The following PTPRG variants were observed in gnomAD, a reference collection of about 807,000 sequenced individuals.
PTPRG encodes receptor-type tyrosine-protein phosphatase gamma.
In PTPRG, 102 loss-of-function variants were observed where a neutral mutation model predicts 165.3. The observed-to-expected ratio is 0.62, with a 90% CI of 0.53 to 0.73. The LOEUF (loss-of-function observed/expected upper bound fraction) is 0.73. PTPRG is among the 30% of genes least tolerant of loss of function. The pLI is 0.00. For missense variants in PTPRG, 1,866 were observed against 1,861.4 expected, an observed-to-expected ratio of 1.00 and a Z score of -0.05; for synonymous variants, 675 against 669.5, an observed-to-expected ratio of 1.01 and a Z score of -0.13.
At chr3:61,749,910 T>C (rs1364821305) in intron 2 of PTPRG, 2 of 152,020 alleles carry the variant, frequency 1.3e-5, no homozygotes, top group Admixed American at 1.3e-4. Context: ...GATGCTCGGG[T>C]TTAAATCCTG....
chr3:61,990,616 G>C (rs2040861350), intron 3 of PTPRG, among the ~76,000 whole-genome samples: 1 of 152,270 alleles, frequency 6.6e-6, no homozygotes, highest in East Asian at 1.9e-4. Context: ...ATAAGCTCTG[G>C]GATGTTATAT....
At chr3:62,250,293 A>G (rs1576178528) in intron 15 of PTPRG, among the ~76,000 whole-genome samples, 1 of 152,148 alleles carries the variant, frequency 6.6e-6, no homozygotes. Context: ...TTCCACTTAT[A>G]CCGCTGCCTC....
intron 4 of PTPRG, among the ~76,000 whole-genome samples, chr3:62,059,031 C>T (rs1302375561): frequency 1.3e-5 from 2 of 152,186 alleles, no homozygotes; most frequent in Non-Finnish European, 2.9e-5. Context: ...GCATCAGCCC[C>T]AGGTATCCGG....
intron 8 of PTPRG, among the ~76,000 whole-genome samples, chr3:62,169,288 A>T (rs1271262387): frequency 6.6e-6 from 1 of 151,968 alleles, no homozygotes; most frequent in African/African-American, 2.4e-5. Context: ...AGGACCTTTG[A>T]ATTGCTCCCA....
In PTPRG at chr3:62,214,101, TACCAGCAA is replaced by T; in HGVS notation, c.2156-4749_2156-4742del. Among the ~76,000 whole-genome samples the T allele has an allele frequency of 6.6e-6, 1 of 152,350 alleles. No individual in the cohort carries two copies. Among genetic ancestry groups the T allele is most frequent in the East Asian group, 1.9e-4 (1 of 5,188 alleles). ...AGGGCAAACTGAGATTCTAGCTCTT[TACCAGCAA>T]TCTCATCATAGGCAGCCCTTTGTGC... On this transcript the variant is annotated intron_variant, in intron 12 of 29. Coordinates refer to ENST00000474889, the MANE Select transcript of PTPRG (RefSeq NM_002841.4). The surrounding 1 kb of genome is among the most constrained non-coding windows in gnomAD (Gnocchi z 5.2).
intron 2 of PTPRG, among the ~76,000 whole-genome samples, chr3:61,831,576 A>T (rs2036297031): frequency 6.7e-6 from 1 of 148,298 alleles, no homozygotes; most frequent in Non-Finnish European, 1.5e-5. Flanking sequence ...CATTCTGTTG[A>T]GGACAGCATC....
intron 2 of PTPRG, among the ~76,000 whole-genome samples, chr3:61,806,449 A>G (rs1412948623): frequency 2.0e-5 from 3 of 152,190 alleles, no homozygotes; most frequent in African/African-American, 7.2e-5. Flanking sequence ...CTGAATACAC[A>G]TGCCCTGTCG....
Position 62,072,604 on chromosome 3 carries a change from T to C in PTPRG, c.520-5559T>C, listed in dbSNP as rs1011275460. Among the ~76,000 whole-genome samples, 18 of 145,160 alleles carry C rather than the reference T, an allele frequency of 1.2e-4. No individual in the cohort carries two copies. In the East Asian group the frequency reaches 3.9e-3, roughly 31 times the overall value. ...TAGAGTTTGTTTCTGTGCTTGAGAA[T>C]ATATATGTGTATGTGTGTGTGTGTG... On this transcript the variant is annotated intron_variant, in intron 4 of 29. Coordinates refer to ENST00000474889, the MANE Select transcript of PTPRG (RefSeq NM_002841.4).
At chr3:61,953,337 C>G (rs1322364350) in intron 2 of PTPRG, among the ~76,000 whole-genome samples, 4 of 152,152 alleles carry the variant, frequency 2.6e-5, no homozygotes, top group Admixed American at 6.5e-5. Flanking sequence ...AAACTAGATA[C>G]TGACACAGGC....
At chr3:62,223,405 T>C (rs574605755) in intron 13 of PTPRG, among the ~76,000 whole-genome samples, 1 of 152,328 alleles carries the variant, frequency 6.6e-6, no homozygotes, top group South Asian at 2.1e-4. Context: ...GAGATTTTTA[T>C]AAACTTATTT....
At chr3:61,740,792 G>A (rs2032947601) in intron 1 of PTPRG, among the ~76,000 whole-genome samples, 2 of 151,922 alleles carry the variant, frequency 1.3e-5, no homozygotes, top group Admixed American at 1.3e-4. Flanking sequence ...TTCATGTAAG[G>A]TGATGAAAAA....
rs151144015 is a variant in PTPRG at position 61,567,797 on chromosome 3, A to C, written c.85+5425A>C. 4.0e-3 allele frequency among the ~76,000 whole-genome samples: 601 copies of C among 152,144 alleles called. 7 individuals carry two copies. Among genetic ancestry groups the C allele is most frequent in the South Asian group, 0.029 (138 of 4,820 alleles). Reference sequence around the variant, plus strand: ...CAGGAGTTCAAGACCAGCCATGTGCAACATGGTGAGACCTCATCTCTACAA... The same window carrying C: ...CAGGAGTTCAAGACCAGCCATGTGCCACATGGTGAGACCTCATCTCTACAA... On this transcript the variant is annotated intron_variant, in intron 1 of 29. Transcript: ENST00000474889.
intron 8 of PTPRG, among the ~76,000 whole-genome samples, chr3:62,191,119 ATGTGTGCG>A (rs1481295275): frequency 1.3e-5 from 2 of 149,570 alleles, no homozygotes; most frequent in Admixed American, 6.6e-5. Context: ...CCCCATGCAC[ATGTGTGCG>A]TGTGTGCGTC....
chr3:62,064,870 T>G (rs568660126), intron 4 of PTPRG, among the ~76,000 whole-genome samples: 4 of 151,948 alleles, frequency 2.6e-5, no homozygotes, highest in Admixed American at 2.0e-4. Context: ...GTAGCGTGAT[T>G]ACAGGCGCGT....
At chr3:61,821,816 TA>T (rs1252969447) in intron 2 of PTPRG, among the ~76,000 whole-genome samples, 1 of 152,212 alleles carries the variant, frequency 6.6e-6, no homozygotes, top group Non-Finnish European at 1.5e-5. Context: ...TTACTAGTAT[TA>T]TATCACTGGA....
At chr3:62,105,184 T>C (rs1004117187) in intron 5 of PTPRG, among the ~76,000 whole-genome samples, 3 of 152,178 alleles carry the variant, frequency 2.0e-5, no homozygotes, top group African/African-American at 7.2e-5. Context: ...TTCATAGATA[T>C]TTATGCATGG....
chr3:62,041,282 C>A (rs1027935624), intron 4 of PTPRG, among the ~76,000 whole-genome samples: 1 of 152,066 alleles, frequency 6.6e-6, no homozygotes, highest in Admixed American at 6.6e-5. Flanking sequence ...GACTTAGAAG[C>A]CTTTTCGGAT....
rs2039469081 is a variant in PTPRG, at chr3:61,935,697, T to C, written c.191-53928T>C. 2.0e-5 allele frequency among the ~76,000 whole-genome samples: 3 copies of C among 151,894 alleles called. No homozygotes were observed. In the South Asian group the frequency reaches 6.3e-4, roughly 32 times the overall value. On this transcript the variant is annotated intron_variant, in intron 2 of 29. Transcript: ENST00000474889. The stretch of plus-strand genomic sequence containing the variant: ...TATTCTCGGAGTCCCTTACCTTTTT[T>C]TTTTTTTAATGTTGTAATTTCTGTA...
chr3:62,220,581 C>T (rs545424334), intron 13 of PTPRG, among the ~76,000 whole-genome samples: 13 of 152,294 alleles, frequency 8.5e-5, no homozygotes, highest in South Asian at 4.2e-4. Flanking sequence ...GGGCGTCTGA[C>T]GGTAACCATA....
Sources: allele counts gnomAD v4.1 joint callset (sites outside exome capture counted in the v4.1 genomes callset), GRCh38; gene constraint gnomAD v4.1.1; non-coding constraint Gnocchi (gnomAD v3.1); transcripts MANE v1.5; gene names NCBI Gene and HGNC (gene_info 2026-07-23, HGNC 2026-07-21).